Variants in MARCO observed in about 807,000 individuals in gnomAD.
MARCO encodes macrophage receptor MARCO.
In MARCO, 72 loss-of-function variants were observed where a neutral mutation model predicts 70.0. That is an observed-to-expected ratio of 1.03 (90% confidence interval 0.85 to 1.25). MARCO has a LOEUF of 1.25. MARCO is among the 50% of genes most tolerant of loss of function. The pLI is 0.00. For missense variants in MARCO, 696 were observed against 659.3 expected, an observed-to-expected ratio of 1.06 and a Z score of -0.61; for synonymous variants, 273 against 243.1, an observed-to-expected ratio of 1.12 and a Z score of -1.14.
rs1200853914 is a variant in MARCO at position 118,993,240 on chromosome 2, A to C, written c.1369A>C (p.Ile457Leu). The change falls in exon 16 of 17, where the codon ATT becomes CTT. Residue 457 changes from isoleucine (I) to leucine (L), a missense_variant. Around this residue, in one of 3 missense-constraint regions of MARCO, gnomAD observed 33 missense variants for 59.6 expected, o/e 0.55. Coordinates refer to ENST00000327097, the MANE Select transcript of MARCO (RefSeq NM_006770.4). ...CDDEWQNSDA[I>L]VFCRMLGYSK... ...TGACGAGTGGCAAAATTCTGATGCC[A>C]TTGTCTTCTGCCGCATGCTGGGTTA... The C allele has an allele frequency of 8.1e-6, 13 of 1,613,964 alleles. No individual in the cohort carries two copies. Among genetic ancestry groups the C allele is most frequent in the Non-Finnish European group, 1.1e-5 (13 of 1,180,040 alleles).
intron 1 of MARCO, among the ~76,000 whole-genome samples, chr2:118,947,841 T>C (rs1679632086): frequency 6.6e-6 from 1 of 152,212 alleles, no homozygotes; most frequent in Non-Finnish European, 1.5e-5. Context: ...TCCATATAAA[T>C]TTAAGTGTCA....
chr2:118,990,876 G>A (rs558661809), intron 13 of MARCO, among the ~76,000 whole-genome samples: 2 of 148,784 alleles, frequency 1.3e-5, no homozygotes, highest in South Asian at 4.2e-4. Context: ...CAAAGGGGCT[G>A]AGGATGGCAA....
At chr2:118,956,902 A>G (rs1337632552) in intron 1 of MARCO, among the ~76,000 whole-genome samples, 1 of 152,180 alleles carries the variant, frequency 6.6e-6, no homozygotes, top group Non-Finnish European at 1.5e-5. Flanking sequence ...GGATTGGGTC[A>G]AAAATGATAT....
intron 1 of MARCO, among the ~76,000 whole-genome samples, chr2:118,948,811 G>A (rs1679653841): frequency 1.3e-5 from 2 of 152,148 alleles, no homozygotes. Flanking sequence ...ATGTTTGTTT[G>A]TTTGTTTGTT....
At chr2:118,963,248 A>C (rs910665215) in intron 1 of MARCO, among the ~76,000 whole-genome samples, 1 of 151,356 alleles carries the variant, frequency 6.6e-6, no homozygotes, top group Admixed American at 6.6e-5. Flanking sequence ...TTTTCTTTTC[A>C]GAGCTGCTTT....
chr2:118,977,341 AGT>A, intron 6 of MARCO, 128 bp from the exon 7 acceptor site: 1 of 749,708 alleles, frequency 1.3e-6, no homozygotes, highest in Non-Finnish European at 2.4e-6. Context: ...AGAGAGTGAG[AGT>A]GAGAGAGAGA....
intron 1 of MARCO, 117 bp downstream of exon 1, chr2:118,942,514 A>G (rs17009280): frequency 0.019 from 14,570 of 780,972 alleles, 578 homozygotes; most frequent in South Asian, 0.096. Flanking sequence ...TGCATTTTGC[A>G]CGTAATCATC....
At chr2:118,971,558 C>A in intron 4 of MARCO, 24 bp downstream of exon 4, 1 of 1,612,924 alleles carries the variant, frequency 6.2e-7, no homozygotes, top group Non-Finnish European at 8.5e-7. Flanking sequence ...CACTCACACC[C>A]ACCCTGCTCT....
At chr2:118,977,320 G>A (rs1680302001) in intron 6 of MARCO, 151 bp from the exon 7 acceptor site, 13 of 187,882 alleles carry the variant, frequency 6.9e-5, no homozygotes, top group South Asian at 2.7e-4. Flanking sequence ...GTGTGAAAAA[G>A]AGAGAGAGAG....
intron 1 of MARCO, among the ~76,000 whole-genome samples, chr2:118,962,212 G>A (rs1430307962): frequency 6.6e-6 from 1 of 151,974 alleles, no homozygotes; most frequent in Non-Finnish European, 1.5e-5. Context: ...GCTCTTTTTT[G>A]GTTCTGTATA....
At chr2:118,972,215 T>A (rs1237935049) in intron 4 of MARCO, among the ~76,000 whole-genome samples, 1 of 152,210 alleles carries the variant, frequency 6.6e-6, no homozygotes, top group Non-Finnish European at 1.5e-5. Context: ...TTGTTTGCCT[T>A]TTCTTCCTGC....
At chr2:118,971,000 C>T (rs986941240) in intron 3 of MARCO, among the ~76,000 whole-genome samples, 2 of 152,158 alleles carry the variant, frequency 1.3e-5, no homozygotes, top group Non-Finnish European at 2.9e-5. Context: ...CCAAGGGGTA[C>T]GCCCAGCACG....
At position 118,993,106 on chromosome 2, in the gene MARCO, G is replaced by A; in HGVS notation, c.1253-18G>A. 3 of 1,613,604 alleles carry A rather than the reference G, an allele frequency of 1.9e-6. No homozygotes were observed. Among genetic ancestry groups the A allele is most frequent in the Non-Finnish European group, 2.5e-6 (3 of 1,179,588 alleles). ...AAGGGGCCTTCCTTGCCTCTCCCATGTGTGTTTCTTCACCCAGGTGAAAAC... is the reference window on the plus strand; with the variant it reads ...AAGGGGCCTTCCTTGCCTCTCCCATATGTGTTTCTTCACCCAGGTGAAAAC... On this transcript the variant is annotated intron_variant, in intron 15 of 16. Coordinates refer to ENST00000327097, the MANE Select transcript of MARCO (RefSeq NM_006770.4).
chr2:118,943,531 G>A (rs1679542135), intron 1 of MARCO, among the ~76,000 whole-genome samples: 1 of 152,162 alleles, frequency 6.6e-6, no homozygotes, highest in African/African-American at 2.4e-5. Context: ...CAGGGGACAG[G>A]GTAAGCTGCC....
rs1180679387 is a variant in MARCO, at chr2:118,947,429, G to T, written c.97+5032G>T. ...GGGCTCATGTGATCTTCCCACTTCA[G>T]CCTCCCAAGTAGCTGGGACTAGAGG... On this transcript the variant is annotated intron_variant, in intron 1 of 16. Transcript: ENST00000327097. 2.0e-5 allele frequency among the ~76,000 whole-genome samples: 3 copies of T among 152,224 alleles called. No individual in the cohort carries two copies. In the South Asian group the frequency reaches 6.2e-4, roughly 32 times the overall value.
intron 1 of MARCO, among the ~76,000 whole-genome samples, chr2:118,963,051 G>A (rs1213990592): frequency 6.6e-6 from 1 of 151,494 alleles, no homozygotes; most frequent in Non-Finnish European, 1.5e-5. Flanking sequence ...CAAAGAGCTA[G>A]CTTTTGTTTC....
intron 1 of MARCO, 127 bp downstream of exon 1, chr2:118,942,524 C>A: frequency 1.5e-6 from 1 of 676,936 alleles, no homozygotes; most frequent in Admixed American, 2.4e-5. Context: ...ACGTAATCAT[C>A]ACTAATACTG....
At chr2:118,977,984 A>C in intron 8 of MARCO, 49 bp downstream of exon 8, 1 of 1,283,604 alleles carries the variant, frequency 7.8e-7, no homozygotes, top group African/African-American at 1.5e-5. Context: ...GCCTGAGGGA[A>C]CTAGGGCCTG....
intron 4 of MARCO, among the ~76,000 whole-genome samples, chr2:118,972,167 C>G (rs1246149633): frequency 6.6e-6 from 1 of 152,202 alleles, no homozygotes; most frequent in Non-Finnish European, 1.5e-5. Context: ...CAAAAGCTGT[C>G]TGACAATGGC....
Sources: gnomAD v4.1 joint callset for allele counts (sites outside exome capture counted in the v4.1 genomes callset) on GRCh38, gnomAD v4.1.1 for gene constraint, gnomAD v4.1.1 regional missense constraint, MANE v1.5 for transcripts, NCBI Gene and HGNC (gene_info 2026-07-23, HGNC 2026-07-21) for gene names.